SDK1: variants seen among roughly 807,000 people sequenced by gnomAD.
The protein encoded by SDK1 is protein sidekick-1.
A neutral mutation model predicts 245.5 loss-of-function variants in SDK1; 157 were observed. The observed-to-expected ratio is 0.64, with a 90% CI of 0.56 to 0.73. The LOEUF is 0.73. SDK1 is among the 30% of genes least tolerant of loss of function. SDK1 has a pLI of 0.00. For missense variants in SDK1, 3,583 were observed against 3,002.3 expected, an observed-to-expected ratio of 1.19 and a Z score of -4.52; for synonymous variants, 1,647 against 1,278.5, an observed-to-expected ratio of 1.29 and a Z score of -6.15.
intron 4 of SDK1, among the ~76,000 whole-genome samples, chr7:3,813,085 A>G (rs942410512): frequency 3.3e-5 from 5 of 152,146 alleles, no homozygotes; most frequent in Non-Finnish European, 5.9e-5. Flanking sequence ...AAACTACTTG[A>G]AAGCAATTTT....
At chr7:3,405,428 G>A (rs370024031) in intron 1 of SDK1, among the ~76,000 whole-genome samples, 1 of 152,210 alleles carries the variant, frequency 6.6e-6, no homozygotes, top group East Asian at 1.9e-4. Flanking sequence ...CTGACCACCG[G>A]TTTTTGTATT....
chr7:3,637,718 A>T (rs539968386), intron 2 of SDK1, among the ~76,000 whole-genome samples: 52 of 152,366 alleles, frequency 3.4e-4, no homozygotes, highest in African/African-American at 1.2e-3. Context: ...AAGGATGATT[A>T]CTTACAGTTA....
intron 17 of SDK1, among the ~76,000 whole-genome samples, chr7:4,021,181 G>A (rs1158684598): frequency 2.6e-5 from 4 of 152,198 alleles, no homozygotes; most frequent in African/African-American, 9.7e-5. Context: ...GGGACCTGCA[G>A]TCTGGCCCTG....
At chr7:4,152,269 A>G (rs1780435629) in intron 30 of SDK1, among the ~76,000 whole-genome samples, 1 of 152,222 alleles carries the variant, frequency 6.6e-6, no homozygotes, top group Admixed American at 6.5e-5. Flanking sequence ...CTCGAGGGGC[A>G]CAGCTCTCTC....
At chr7:3,534,931 G>A (rs148078707) in intron 1 of SDK1, among the ~76,000 whole-genome samples, 2,376 of 152,216 alleles carry the variant, frequency 0.016, 27 homozygotes, top group Middle Eastern at 0.065. Context: ...CCAGTCAGTG[G>A]ACAGCTCATT....
chr7:3,474,789 C>G (rs1291902500), intron 1 of SDK1, among the ~76,000 whole-genome samples: 1 of 152,178 alleles, frequency 6.6e-6, no homozygotes, highest in Non-Finnish European at 1.5e-5. Context: ...CTCCTGGGTT[C>G]AAGCGATCTT....
In SDK1 at chr7:3,836,783, C is replaced by G. The variant is rs575012949; in HGVS notation, c.847+15200C>G. Among the ~76,000 whole-genome samples the G allele has an allele frequency of 3.1e-3, 472 of 152,328 alleles. 4 individuals carry two copies. Among genetic ancestry groups the G allele is most frequent in the African/African-American group, 0.011 (462 of 41,564 alleles). On this transcript the variant is annotated intron_variant, in intron 5 of 44. Coordinates refer to ENST00000404826, the MANE Select transcript of SDK1 (RefSeq NM_152744.4). ...AGAATAGACCCTCCACAGGAAAACT[C>G]AAGTCTCTTCCTTAGGAGACTGGGT...
At chr7:3,337,534 C>T (rs983481086) in intron 1 of SDK1, among the ~76,000 whole-genome samples, 2 of 151,994 alleles carry the variant, frequency 1.3e-5, no homozygotes, top group African/African-American at 4.8e-5. Context: ...AGCTGTAGAT[C>T]TAAGAAGCTG....
intron 1 of SDK1, among the ~76,000 whole-genome samples, chr7:3,614,145 T>C (rs1002384002): frequency 6.6e-6 from 1 of 152,190 alleles, no homozygotes; most frequent in Non-Finnish European, 1.5e-5. Flanking sequence ...AATTATGATG[T>C]TGTCTTGAGA....
intron 8 of SDK1, among the ~76,000 whole-genome samples, chr7:3,959,901 C>T (rs73296636): frequency 0.035 from 5,388 of 152,146 alleles, 290 homozygotes; most frequent in African/African-American, 0.12. Context: ...GTCACCGTCT[C>T]ATGTCGGGCA....
At chr7:4,155,906 G>A (rs1047279712) in intron 30 of SDK1, among the ~76,000 whole-genome samples, 1 of 152,168 alleles carries the variant, frequency 6.6e-6, no homozygotes, top group Non-Finnish European at 1.5e-5. Context: ...CCATCATGAT[G>A]CAGAAGATGA....
chr7:4,011,575 CCT>C (rs1785969874), intron 15 of SDK1, among the ~76,000 whole-genome samples: 1 of 152,252 alleles, frequency 6.6e-6, no homozygotes, highest in Non-Finnish European at 1.5e-5. Flanking sequence ...GCGAGGGCCA[CCT>C]CTGAAAAATC....
At chr7:3,773,400 T>G (rs1053950648) in intron 4 of SDK1, among the ~76,000 whole-genome samples, 1 of 152,166 alleles carries the variant, frequency 6.6e-6, no homozygotes, top group African/African-American at 2.4e-5. Flanking sequence ...TTTTTGGTTT[T>G]CTGTCTTTAT....
At chr7:3,992,382 G>T (rs922210459) in intron 14 of SDK1, among the ~76,000 whole-genome samples, 5 of 152,190 alleles carry the variant, frequency 3.3e-5, no homozygotes, top group African/African-American at 1.2e-4. Flanking sequence ...CCAGGTGCCT[G>T]TTTAGTAAGC....
chr7:3,774,062 A>T (rs1288390274), intron 4 of SDK1, among the ~76,000 whole-genome samples: 2 of 151,990 alleles, frequency 1.3e-5, no homozygotes, highest in Admixed American at 1.3e-4. Context: ...AAAATACAAA[A>T]AAATTAGCCA....
At chr7:3,662,019 T>G (rs992619640) in intron 4 of SDK1, among the ~76,000 whole-genome samples, 3 of 149,334 alleles carry the variant, frequency 2.0e-5, no homozygotes, top group African/African-American at 7.4e-5. Context: ...ATGTTTCAAA[T>G]AGAGGAAGAG....
At chr7:3,593,920 T>C (rs1780970182) in intron 1 of SDK1, among the ~76,000 whole-genome samples, 1 of 152,232 alleles carries the variant, frequency 6.6e-6, no homozygotes, top group Non-Finnish European at 1.5e-5. Context: ...TAAACTGTTG[T>C]TTCCTAAATA....
intron 4 of SDK1, among the ~76,000 whole-genome samples, chr7:3,781,155 A>C (rs1162041059): frequency 6.6e-6 from 1 of 152,098 alleles, no homozygotes; most frequent in Non-Finnish European, 1.5e-5. Context: ...TGTCCCAAGC[A>C]ATGACTTTGC....
At chr7:3,480,715 C>G (rs998550227) in intron 1 of SDK1, among the ~76,000 whole-genome samples, 1 of 152,182 alleles carries the variant, frequency 6.6e-6, no homozygotes, top group African/African-American at 2.4e-5. Flanking sequence ...CCTGAATAAA[C>G]TGTTTTGGAA....
Sources: gnomAD v4.1 joint callset for allele counts (sites outside exome capture counted in the v4.1 genomes callset) on GRCh38, gnomAD v4.1.1 for gene constraint, MANE v1.5 for transcripts, NCBI Gene and HGNC (gene_info 2026-07-23, HGNC 2026-07-21) for gene names.